The following PPFIA2 variants were observed in gnomAD, a reference collection of about 807,000 sequenced individuals.
The protein encoded by PPFIA2 is liprin-alpha-2.
A neutral mutation model predicts 175.5 loss-of-function variants in PPFIA2; 46 were observed. That is an observed-to-expected ratio of 0.26 (90% CI 0.21 to 0.34). PPFIA2 has a LOEUF of 0.34. Among genes scored for constraint, PPFIA2 ranks in the 10% least tolerant of loss-of-function variants. The pLI, the probability that PPFIA2 is intolerant of heterozygous loss-of-function variation, is 1.00. For missense variants in PPFIA2, 1,179 were observed against 1,506.1 expected (o/e 0.78, Z 3.60); for synonymous variants, 568 against 511.4 (o/e 1.11, Z -1.49).
chr12:81,535,716 A>G (rs968238809), intron 4 of PPFIA2, among the ~76,000 whole-genome samples: 1 of 151,688 alleles, frequency 6.6e-6, no homozygotes, highest in African/African-American at 2.4e-5. Flanking sequence ...GACACGTGTT[A>G]CTTTATATGA....
intron 3 of PPFIA2, among the ~76,000 whole-genome samples, chr12:81,708,949 A>G (rs2077543195): frequency 6.6e-6 from 1 of 152,236 alleles, no homozygotes; most frequent in African/African-American, 2.4e-5. Context: ...AATTTTAAAG[A>G]TAAAATTGTT....
intron 9 of PPFIA2, chr12:81,378,170 T>G (rs577651405): frequency 6.6e-6 from 1 of 152,258 alleles, no homozygotes; most frequent in African/African-American, 2.4e-5. Context: ...ATGGCCCTGC[T>G]GAAACATTGA....
At chr12:81,534,514 C>T (rs2065102176) in intron 4 of PPFIA2, among the ~76,000 whole-genome samples, 1 of 151,606 alleles carries the variant, frequency 6.6e-6, no homozygotes, top group Non-Finnish European at 1.5e-5. Flanking sequence ...TGCATTTTCC[C>T]TCTTGGAAAT....
At chr12:81,740,832 A>G (rs957382681) in intron 3 of PPFIA2, among the ~76,000 whole-genome samples, 1 of 150,570 alleles carries the variant, frequency 6.6e-6, no homozygotes, top group Non-Finnish European at 1.5e-5. Context: ...AGAGCAGGCC[A>G]AAAAAAAATA....
intron 3 of PPFIA2, among the ~76,000 whole-genome samples, chr12:81,741,214 A>T (rs1339939409): frequency 6.6e-6 from 1 of 152,198 alleles, no homozygotes; most frequent in Non-Finnish European, 1.5e-5. Flanking sequence ...CTTGAAGGGG[A>T]TTTGAGGTGC....
chr12:81,615,477 A>C (rs2061352287), intron 4 of PPFIA2, among the ~76,000 whole-genome samples: 1 of 152,220 alleles, frequency 6.6e-6, no homozygotes. Context: ...GCCCTAGTGG[A>C]TTCCAACAAT....
In PPFIA2 at chr12:81,472,752, C is replaced by A. The variant is rs540702112; in HGVS notation, c.304-14886G>T. The A allele has an allele frequency of 5.3e-5, 8 of 150,426 alleles. No homozygotes were observed. In the South Asian group the frequency reaches 1.7e-3, roughly 32 times the overall value. The allele number at this position is 150,426 out of a possible 1,614,324, so 9.3% of individuals were successfully genotyped here. A position where few individuals can be genotyped will look rare whatever the true frequency, so the allele number is the denominator to read the frequency against. ...AACATCTCCTTCCCCAGCAAAAAAA[C>A]AAAACAAAACAGAACAAAAAAAACT... On this transcript the variant is annotated intron_variant, in intron 4 of 32. Coordinates refer to ENST00000549396, the MANE Select transcript of PPFIA2 (RefSeq NM_003625.5).
intron 17 of PPFIA2, among the ~76,000 whole-genome samples, chr12:81,350,796 G>A (rs2059876620): frequency 1.5e-5 from 2 of 130,578 alleles, no homozygotes; most frequent in Non-Finnish European, 3.1e-5. Context: ...GATAGTAATG[G>A]TTATTGTCAT....
chr12:81,332,856 G>A (rs1415266052), intron 21 of PPFIA2, among the ~76,000 whole-genome samples: 2 of 152,144 alleles, frequency 1.3e-5, no homozygotes, highest in Non-Finnish European at 2.9e-5. Context: ...GATATGTATA[G>A]AATGTGGACA....
intron 4 of PPFIA2, among the ~76,000 whole-genome samples, chr12:81,476,759 C>T (rs761215735): frequency 1.3e-5 from 2 of 152,100 alleles, no homozygotes; most frequent in African/African-American, 4.8e-5. Context: ...TACATGCACA[C>T]AAGTGTTCAT....
At position 81,358,168 on chromosome 12, in the gene PPFIA2, C is replaced by T; in HGVS notation, c.1687G>A (p.Val563Met). ...GTTCTGTAATCAGACTGGCTGTCCA[C>T]TAGGGATCCCACTGAGTACCGCAAC... is the stretch of plus-strand genomic sequence containing the variant. The part of the protein sequence containing the change: ...AELRYSVGSL[V>M]DSQSDYRTTK... The change falls in exon 16 of 33, where the codon GTG (valine) becomes ATG (methionine). Residue 563 changes from valine to methionine, a missense_variant. By Grantham distance (21) the Val-to-Met change is conservative (BLOSUM62 1). Coordinates refer to ENST00000549396, the MANE Select transcript of PPFIA2 (RefSeq NM_003625.5). 2 of 1,596,504 alleles carry T rather than the reference C, an allele frequency of 1.3e-6. No individual in the cohort carries two copies. The highest frequency in any genetic ancestry group is 1.7e-6 in the Non-Finnish European group (2 of 1,170,790).
intron 21 of PPFIA2, among the ~76,000 whole-genome samples, chr12:81,336,347 C>T (rs1269986982): frequency 6.6e-6 from 1 of 152,090 alleles, no homozygotes; most frequent in East Asian, 1.9e-4. Context: ...ATTGTCTATG[C>T]TAGTAATACA....
chr12:81,311,657 T>C (rs7488156), intron 22 of PPFIA2, among the ~76,000 whole-genome samples: 53,348 of 146,216 alleles, frequency 0.36, 10,415 homozygotes, highest in African/African-American at 0.52. Context: ...GGCATGAACC[T>C]GGGAGGCGGA....
intron 4 of PPFIA2, among the ~76,000 whole-genome samples, chr12:81,548,745 T>C (rs2067394580): frequency 6.6e-6 from 1 of 152,146 alleles, no homozygotes; most frequent in African/African-American, 2.4e-5. Context: ...CTTCAGAATT[T>C]GACATATTTC....
chr12:81,712,765 T>TA (rs897408368), intron 3 of PPFIA2, among the ~76,000 whole-genome samples: 19 of 150,794 alleles, frequency 1.3e-4, no homozygotes, highest in Non-Finnish European at 2.5e-4. Context: ...TTTTTTTTTT[T>TA]AATCAAGCAC....
chr12:81,618,526 CTTT>C lies in PPFIA2; in HGVS notation c.303+58262_303+58264del, dbSNP rs71098155. Among the ~76,000 whole-genome samples, 26 of 114,678 alleles carry C rather than the reference CTTT, an allele frequency of 2.3e-4. 1 individual carries two copies. Among genetic ancestry groups the C allele is most frequent in the South Asian group, 6.2e-4 (2 of 3,210 alleles). The allele number at this position is 114,678 out of a possible 152,430, so 75.2% of individuals were successfully genotyped here. ...AAACCTGCTTTTGATACCCATGGCA[CTTT>C]TTTTTTTTTTTTTTTTTGAGATGGA... On this transcript the variant is annotated intron_variant, in intron 4 of 32. Coordinates refer to ENST00000549396, the MANE Select transcript of PPFIA2 (RefSeq NM_003625.5).
chr12:81,639,111 T>C (rs2064571151), intron 4 of PPFIA2, among the ~76,000 whole-genome samples: 1 of 152,180 alleles, frequency 6.6e-6, no homozygotes, highest in Non-Finnish European at 1.5e-5. Flanking sequence ...ATTAAGGGAA[T>C]TGTCCAAAGT....
chr12:81,396,634 T>C (rs1350524328), intron 8 of PPFIA2, among the ~76,000 whole-genome samples: 2 of 152,078 alleles, frequency 1.3e-5, no homozygotes, highest in Non-Finnish European at 2.9e-5. Context: ...GTTTAAAACA[T>C]CACTCTTGTA....
At chr12:81,707,792 A>C (rs1362830740) in intron 3 of PPFIA2, among the ~76,000 whole-genome samples, 2 of 151,550 alleles carry the variant, frequency 1.3e-5, no homozygotes, top group Non-Finnish European at 2.9e-5. Context: ...ACAATGATAG[A>C]CTGGATTAAG....
Sources: gnomAD v4.1 joint callset for allele counts (sites outside exome capture counted in the v4.1 genomes callset) on GRCh38, gnomAD v4.1.1 for gene constraint, MANE v1.5 for transcripts, NCBI Gene and HGNC (gene_info 2026-07-23, HGNC 2026-07-21) for gene names.